The following PSD3 variants were observed in gnomAD, a reference collection of about 807,000 sequenced individuals.
PSD3 encodes the protein pleckstrin and Sec7 domain containing 3, also known as PH and SEC7 domain-containing protein 3.
PSD3 carries 49 observed loss-of-function variants against 105.5 expected under a neutral mutation model. The ratio of observed to expected loss-of-function variants is 0.46; its 90% CI spans 0.37 to 0.59. PSD3 has a LOEUF of 0.59. PSD3 is among the 20% of genes least tolerant of loss of function. The probability of loss-of-function intolerance (pLI) is 0.00; values close to 1 mark genes in which losing one functional copy is unlikely to be tolerated. For synonymous variants in PSD3, 557 were observed against 457.8 expected (o/e 1.22, Z -2.77); for missense variants, 1,561 against 1,263.8 (o/e 1.24, Z -3.57).
In PSD3 at chr8:18,872,098, A is replaced by G. The variant is rs1199279190; in HGVS notation, c.766T>C (p.Ser256Pro). ...PSCPLASLGS[S>P]AVTCHSAGSV... is the part of the protein sequence containing the mutation. ...CCTGCAGAGTGGCAGGTCACTGCTGAGCTCCCGAGGGAGGCCAAAGGACAA... is the reference window on the plus strand; with the variant it reads ...CCTGCAGAGTGGCAGGTCACTGCTGGGCTCCCGAGGGAGGCCAAAGGACAA... Residue 256 changes from serine (S) to proline (P), a missense_variant, in exon 3 of 16, where the codon TCA becomes CCA. By Grantham distance (74) the Ser-to-Pro change is moderately conservative (BLOSUM62 -1). Transcript: ENST00000327040. The G allele has an allele frequency of 1.2e-6, 2 of 1,614,100 alleles. No homozygotes were observed. The highest frequency in any genetic ancestry group is 1.7e-6 in the Non-Finnish European group (2 of 1,180,004).
At chr8:18,600,936 G>T (rs2634458) in intron 11 of PSD3, among the ~76,000 whole-genome samples, 5,527 of 152,154 alleles carry the variant, frequency 0.036, 165 homozygotes, top group East Asian at 0.12. Flanking sequence ...CTCAACCAGA[G>T]TGCAAGTTTA....
At chr8:18,767,367 G>A (rs1563242523) in intron 8 of PSD3, among the ~76,000 whole-genome samples, 1 of 152,194 alleles carries the variant, frequency 6.6e-6, no homozygotes, top group Non-Finnish European at 1.5e-5. Flanking sequence ...TACGAGTGCA[G>A]GAGAGGAACG....
intron 1 of PSD3, among the ~76,000 whole-genome samples, chr8:18,997,456 C>T (rs931097892): frequency 6.6e-6 from 1 of 151,912 alleles, no homozygotes; most frequent in Non-Finnish European, 1.5e-5. Context: ...CAACAGCCTC[C>T]CAACTGGTTT....
chr8:18,618,739 G>A (rs1385669842), intron 11 of PSD3, among the ~76,000 whole-genome samples: 8 of 151,864 alleles, frequency 5.3e-5, no homozygotes, highest in African/African-American at 1.9e-4. Context: ...GGAGTGCAGT[G>A]GTGTAATCAT....
intron 12 of PSD3, among the ~76,000 whole-genome samples, chr8:18,592,868 G>C (rs533669261): frequency 6.6e-6 from 1 of 152,250 alleles, no homozygotes; most frequent in East Asian, 1.9e-4. Context: ...AACAAGAAAT[G>C]GGGAAAGGAT....
intron 4 of PSD3, among the ~76,000 whole-genome samples, chr8:18,812,570 C>A (rs181540782): frequency 2.2e-4 from 33 of 152,104 alleles, no homozygotes; most frequent in African/African-American, 7.2e-4. Context: ...GCCAACTGGT[C>A]CTTTGGGAGG....
At chr8:18,967,789 G>T (rs1441529968) in intron 1 of PSD3, among the ~76,000 whole-genome samples, 2 of 152,176 alleles carry the variant, frequency 1.3e-5, no homozygotes, top group Non-Finnish European at 1.5e-5. Context: ...AGAAATGGAG[G>T]CATGTGAAAG....
chr8:18,863,944 G>A (rs1027643985), intron 4 of PSD3, among the ~76,000 whole-genome samples: 3 of 152,072 alleles, frequency 2.0e-5, no homozygotes, highest in African/African-American at 7.2e-5. Context: ...ACCACAATCA[G>A]CCTTCCCAAC....
chr8:18,997,393 C>G (rs988169391), intron 1 of PSD3, among the ~76,000 whole-genome samples: 1 of 151,822 alleles, frequency 6.6e-6, no homozygotes, highest in African/African-American at 2.4e-5. Flanking sequence ...TCCCACTCAA[C>G]CTTCAAAACA....
intron 2 of PSD3, among the ~76,000 whole-genome samples, chr8:18,910,184 A>G (rs1586395478): frequency 6.6e-6 from 1 of 151,574 alleles, no homozygotes; most frequent in African/African-American, 2.4e-5. Flanking sequence ...AGACACATGC[A>G]CACGTATGTT....
intron 8 of PSD3, among the ~76,000 whole-genome samples, chr8:18,779,050 T>C (rs939690107): frequency 6.6e-6 from 1 of 152,166 alleles, no homozygotes; most frequent in African/African-American, 2.4e-5. Context: ...CTTTGTAAGT[T>C]TGTAGCATTC....
At chr8:18,810,321 C>G (rs1318477041) in intron 4 of PSD3, among the ~76,000 whole-genome samples, 1 of 152,192 alleles carries the variant, frequency 6.6e-6, no homozygotes, top group Non-Finnish European at 1.5e-5. Flanking sequence ...ACTTCCTCCA[C>G]TGTCTTCCAT....
At chr8:18,827,450 T>A (rs1450220155) in intron 4 of PSD3, among the ~76,000 whole-genome samples, 1 of 152,102 alleles carries the variant, frequency 6.6e-6, no homozygotes, top group Non-Finnish European at 1.5e-5. Context: ...GGGCGTGGAA[T>A]GCTTAGGCAA....
chr8:18,681,299 T>C (rs1488889047), intron 9 of PSD3, among the ~76,000 whole-genome samples: 1 of 151,846 alleles, frequency 6.6e-6, no homozygotes, highest in African/African-American at 2.4e-5. Context: ...AAAATGCTGT[T>C]TACATGATTA....
At chr8:19,069,077 T>A (rs1477844967) in intron 1 of PSD3, among the ~76,000 whole-genome samples, 1 of 152,210 alleles carries the variant, frequency 6.6e-6, no homozygotes, top group Non-Finnish European at 1.5e-5. Flanking sequence ...ATAGGGCAAG[T>A]TGTTTTAAAC....
At chr8:18,748,410 C>T (rs1805197026) in intron 9 of PSD3, among the ~76,000 whole-genome samples, 1 of 151,876 alleles carries the variant, frequency 6.6e-6, no homozygotes, top group Admixed American at 6.6e-5. Flanking sequence ...CCTGTAATCC[C>T]AGCACTTTGA....
At chr8:18,838,898 C>T (rs1401609640) in intron 4 of PSD3, among the ~76,000 whole-genome samples, 2 of 151,390 alleles carry the variant, frequency 1.3e-5, no homozygotes, top group African/African-American at 4.9e-5. Context: ...TAGTAAACTG[C>T]ATTTCAAAAG....
chr8:18,770,621 C>T (rs1365674184), intron 8 of PSD3, among the ~76,000 whole-genome samples: 1 of 152,204 alleles, frequency 6.6e-6, no homozygotes, highest in Non-Finnish European at 1.5e-5. Context: ...TGCCTTCGGG[C>T]ACCAGCAGGA....
At chr8:18,951,901 G>A (rs764805869) in intron 1 of PSD3, among the ~76,000 whole-genome samples, 10 of 152,012 alleles carry the variant, frequency 6.6e-5, no homozygotes, top group Non-Finnish European at 1.0e-4. Context: ...CCTGGGAAGC[G>A]GAGGTTGCAG....
Sources: gnomAD v4.1 joint callset for allele counts (sites outside exome capture counted in the v4.1 genomes callset) on GRCh38, gnomAD v4.1.1 for gene constraint, MANE v1.5 for transcripts, NCBI Gene and HGNC (gene_info 2026-07-23, HGNC 2026-07-21) for gene names.